KIAA1549: variants seen among roughly 807,000 people sequenced by gnomAD.
KIAA1549 encodes the protein UPF0606 protein KIAA1549.
Under a neutral mutation model 156.4 loss-of-function variants are expected in KIAA1549, and 70 were observed. The observed-to-expected ratio is 0.45, with a 90% CI of 0.37 to 0.55. The LOEUF is 0.55. KIAA1549 is among the 20% of genes least tolerant of loss of function. The pLI, the probability that KIAA1549 is intolerant of heterozygous loss-of-function variation, is 0.00. For missense variants in KIAA1549, 2,428 were observed against 2,540.9 expected, an observed-to-expected ratio of 0.96 and a Z score of 0.96; for synonymous variants, 1,103 against 1,066.4, an observed-to-expected ratio of 1.03 and a Z score of -0.67.
At chr7:138,951,295 A>G (rs1348343185) in intron 1 of KIAA1549, among the ~76,000 whole-genome samples, 1 of 152,060 alleles carries the variant, frequency 6.6e-6, no homozygotes, top group African/African-American at 2.4e-5. Flanking sequence ...GTTCACGGAC[A>G]CTTCCCTCCA....
intron 8 of KIAA1549, among the ~76,000 whole-genome samples, chr7:138,902,006 G>A (rs1212548209): frequency 6.6e-6 from 1 of 152,170 alleles, no homozygotes; most frequent in African/African-American, 2.4e-5. Context: ...ATGTGCAGAA[G>A]TTAACTCACA....
intron 8 of KIAA1549, among the ~76,000 whole-genome samples, chr7:138,901,887 G>C (rs1171757692): frequency 6.6e-6 from 1 of 152,156 alleles, no homozygotes; most frequent in African/African-American, 2.4e-5. Flanking sequence ...CTATCAGATG[G>C]CACATTAGCC....
At chr7:138,859,052 C>CACACAT (rs3221318) in intron 16 of KIAA1549, among the ~76,000 whole-genome samples, 1 of 144,036 alleles carries the variant, frequency 6.9e-6, no homozygotes, top group Non-Finnish European at 1.5e-5. Context: ...CACACACACA[C>CACACAT]GAACAGAAAC....
At chr7:138,937,197 C>T (rs1456444052) in intron 1 of KIAA1549, among the ~76,000 whole-genome samples, 1 of 133,552 alleles carries the variant, frequency 7.5e-6, no homozygotes, top group Non-Finnish European at 1.5e-5. Context: ...CTCCTCCTTC[C>T]CGTAACTATC....
chr7:138,941,645 T>C (rs1813186842), intron 1 of KIAA1549, among the ~76,000 whole-genome samples: 1 of 152,218 alleles, frequency 6.6e-6, no homozygotes. Context: ...ACAGGCTAGT[T>C]AATGCCTTCC....
At chr7:138,889,053 C>A (rs1322737880) in intron 10 of KIAA1549, among the ~76,000 whole-genome samples, 2 of 152,198 alleles carry the variant, frequency 1.3e-5, no homozygotes, top group Non-Finnish European at 2.9e-5. Flanking sequence ...TTAATCATCA[C>A]CTCCATCATT....
chr7:138,913,866 C>A (rs1986549), intron 2 of KIAA1549, among the ~76,000 whole-genome samples: 82,513 of 150,784 alleles, frequency 0.55, 25,737 homozygotes, highest in African/African-American at 0.87. Context: ...GGAAGAGTGG[C>A]AAGAAGGAAA....
Position 138,909,060 on chromosome 7 carries a change from C to T in KIAA1549, c.3207G>A (p.Glu1069=). 2 of 1,613,936 alleles carry T rather than the reference C, an allele frequency of 1.2e-6. No homozygotes were observed. The highest frequency in any genetic ancestry group is 2.7e-5 in the African/African-American group (2 of 75,032). The change falls in exon 5 of 20, where the codon GAG becomes GAA. Residue 1069 remains glutamate (E), a synonymous_variant. Coordinates refer to ENST00000422774, the MANE Select transcript of KIAA1549 (RefSeq NM_001164665.2). The part of the protein sequence containing the change: ...TGFCNFTQRI[E]KGLMTALFEV... The stretch of plus-strand genomic sequence containing the variant: ...CAAAGAGAGCTGTCATTAGGCCTTT[C>T]TCAATGCGCTGGGTGAAGTTGCAGA...
chr7:138,934,349 T>C (rs1812949785), intron 1 of KIAA1549, among the ~76,000 whole-genome samples: 2 of 151,188 alleles, frequency 1.3e-5, no homozygotes, highest in Admixed American at 1.3e-4. Flanking sequence ...CAGATTTACT[T>C]GTGAGAATTG....
chr7:138,921,927 C>T (rs147470540), intron 1 of KIAA1549, among the ~76,000 whole-genome samples: 2 of 152,068 alleles, frequency 1.3e-5, no homozygotes, highest in Non-Finnish European at 2.9e-5. Flanking sequence ...AAGGAGAACA[C>T]CATGTGAAGA....
At chr7:138,962,008 A>C (rs916928063) in intron 1 of KIAA1549, among the ~76,000 whole-genome samples, 1 of 152,104 alleles carries the variant, frequency 6.6e-6, no homozygotes, top group Admixed American at 6.5e-5. Flanking sequence ...CACCTGTCTC[A>C]GTGGAAGAGG....
At chr7:138,842,430 T>C (rs1809948068) in intron 18 of KIAA1549, among the ~76,000 whole-genome samples, 1 of 152,214 alleles carries the variant, frequency 6.6e-6, no homozygotes, top group Non-Finnish European at 1.5e-5. Context: ...CTCACGCCTG[T>C]AATCCCAGTA....
intron 1 of KIAA1549, among the ~76,000 whole-genome samples, chr7:138,974,337 T>C (rs1218531196): frequency 1.3e-5 from 2 of 151,612 alleles, no homozygotes; most frequent in Admixed American, 1.3e-4. Flanking sequence ...AGAAGAGTCC[T>C]GAAAGAGGGC....
intron 7 of KIAA1549, among the ~76,000 whole-genome samples, chr7:138,904,076 C>T (rs1329127891): frequency 2.0e-5 from 3 of 152,162 alleles, no homozygotes; most frequent in Admixed American, 6.5e-5. Flanking sequence ...AGGGCGCCTA[C>T]GCAAGATCAA....
Position 138,981,152 on chromosome 7 carries a change from G to GGCGGCGGGC in KIAA1549, c.109_117dup (p.Ala37_Arg39dup). ...CCAGGAAGCAGCAGCCCCGGGCGGC[G>GGCGGCGGGC]GCGGCGGGCGCAGCGGGCGGAAGGC... On this transcript the variant is annotated inframe_insertion, in exon 1 of 20. Transcript: ENST00000422774. This position sits in a 1 kb window ranked among gnomAD's most constrained non-coding sequence, Gnocchi z 4.5. 1 of 1,195,988 alleles carries GGCGGCGGGC rather than the reference G, an allele frequency of 8.4e-7. No homozygotes were observed. The highest frequency in any genetic ancestry group is 1.0e-6 in the Non-Finnish European group (1 of 964,802). 74.1% of individuals were successfully genotyped at this position (1,195,988 alleles called of 1,614,324 possible).
chr7:138,877,250 T>C (rs9918677), intron 12 of KIAA1549, among the ~76,000 whole-genome samples: 18,784 of 152,210 alleles, frequency 0.12, 1,505 homozygotes, highest in East Asian at 0.22. Context: ...TCCCAGCACT[T>C]TGGGAGGCCG....
intron 1 of KIAA1549, among the ~76,000 whole-genome samples, chr7:138,948,631 AG>A (rs536741763): frequency 4.0e-5 from 6 of 151,838 alleles, no homozygotes; most frequent in African/African-American, 1.4e-4. Context: ...GCCAAGCAAA[AG>A]AGTCATTGTT....
intron 9 of KIAA1549, among the ~76,000 whole-genome samples, chr7:138,898,670 T>A (rs545597653): frequency 2.0e-5 from 3 of 152,250 alleles, no homozygotes; most frequent in Admixed American, 2.0e-4. Flanking sequence ...AAAAAAGTAG[T>A]AGTACAGGAA....
intron 1 of KIAA1549, among the ~76,000 whole-genome samples, chr7:138,944,830 T>C (rs910073387): frequency 3.9e-5 from 6 of 152,132 alleles, no homozygotes; most frequent in Admixed American, 1.3e-4. Context: ...ACATGAAATA[T>C]CCAGAAAAGG....
Sources: allele counts gnomAD v4.1 joint callset (sites outside exome capture counted in the v4.1 genomes callset), GRCh38; gene constraint gnomAD v4.1.1; non-coding constraint Gnocchi (gnomAD v3.1); transcripts MANE v1.5; gene names NCBI Gene and HGNC (gene_info 2026-07-23, HGNC 2026-07-21).